Variants in MARK1 observed in about 807,000 individuals in gnomAD.
The protein encoded by MARK1 is serine/threonine-protein kinase MARK1.
In MARK1, 40 loss-of-function variants were observed where a neutral mutation model predicts 96.3. That is an observed-to-expected ratio of 0.42 (90% CI 0.32 to 0.54). MARK1 has a LOEUF of 0.54. MARK1 is among the 20% of genes least tolerant of loss of function. The pLI, the probability that MARK1 is intolerant of heterozygous loss-of-function variation, is 0.16. For missense variants in MARK1, 719 were observed against 984.6 expected (o/e 0.73, Z 3.61); for synonymous variants, 317 against 341.2 (o/e 0.93, Z 0.78).
chr1:220,556,512 T>C (rs948361091), intron 1 of MARK1, among the ~76,000 whole-genome samples: 7 of 114,536 alleles, frequency 6.1e-5, no homozygotes, highest in African/African-American at 3.4e-5. Context: ...AAAAACAAAT[T>C]ACAGATTTCA....
intron 17 of MARK1, among the ~76,000 whole-genome samples, chr1:220,660,650 A>G (rs189299611): frequency 6.6e-6 from 1 of 152,330 alleles, no homozygotes; most frequent in East Asian, 1.9e-4. Flanking sequence ...CTGTATCACG[A>G]ATAATCTATT....
intron 13 of MARK1, among the ~76,000 whole-genome samples, chr1:220,648,152 T>G (rs1002836571): frequency 6.6e-6 from 1 of 152,108 alleles, no homozygotes; most frequent in African/African-American, 2.4e-5. Flanking sequence ...AATGCTATAG[T>G]AAGTATAAAA....
chr1:220,592,176 G>A (rs1329162518), intron 3 of MARK1, among the ~76,000 whole-genome samples: 1 of 150,164 alleles, frequency 6.7e-6, no homozygotes, highest in Admixed American at 6.7e-5. Context: ...TCTAACCAAT[G>A]CAATAGGGAA....
intron 3 of MARK1, among the ~76,000 whole-genome samples, chr1:220,592,406 C>T (rs1037008784): frequency 1.6e-4 from 24 of 151,958 alleles, no homozygotes; most frequent in African/African-American, 5.8e-4. Context: ...TAGCTGACAG[C>T]CACCAAGAAG....
At chr1:220,565,527 A>C (rs1662986646) in intron 1 of MARK1, among the ~76,000 whole-genome samples, 1 of 151,286 alleles carries the variant, frequency 6.6e-6, no homozygotes. Flanking sequence ...GGCTGGCTAC[A>C]TGGCAAGCCC....
In MARK1 at chr1:220,618,753, G is replaced by C; in HGVS notation, c.907G>C (p.Glu303Gln). ...GAATCCAATAAAGAGAGGCAGCTTG[G>C]AAGTAAGTAAATTTTTGTACTCCAA... ...VLNPIKRGSL[E>Q]QIMKDRWMNV... Residue 303 changes from glutamate to glutamine, a missense_variant and splice_region_variant, in exon 9 of 18, where the codon GAA (glutamate) becomes CAA (glutamine). Coordinates refer to ENST00000366917, the MANE Select transcript of MARK1 (RefSeq NM_018650.5). The surrounding 1 kb of genome is among the most constrained non-coding windows in gnomAD (Gnocchi z 4.6). The C allele has an allele frequency of 2.5e-6, 4 of 1,572,992 alleles. No homozygotes were observed. The South Asian group carries it at 3.6e-5, about 14-fold the overall frequency.
intron 9 of MARK1, among the ~76,000 whole-genome samples, chr1:220,629,345 A>G (rs1667537016): frequency 6.6e-6 from 1 of 150,780 alleles, no homozygotes; most frequent in African/African-American, 2.5e-5. Flanking sequence ...ATTCTCTACA[A>G]GATTGCCTTT....
At chr1:220,529,308 C>T (rs1660149545) in intron 1 of MARK1, among the ~76,000 whole-genome samples, 1 of 152,200 alleles carries the variant, frequency 6.6e-6, no homozygotes, top group African/African-American at 2.4e-5. Context: ...CCTTTGCACT[C>T]TCCCCTCCTC....
chr1:220,659,090 T>A (rs1471334504), intron 17 of MARK1, among the ~76,000 whole-genome samples: 1 of 152,184 alleles, frequency 6.6e-6, no homozygotes, highest in Non-Finnish European at 1.5e-5. Flanking sequence ...ACTATATAAT[T>A]TTATTACATT....
At chr1:220,535,279 A>G (rs966990849) in intron 1 of MARK1, among the ~76,000 whole-genome samples, 1 of 151,956 alleles carries the variant, frequency 6.6e-6, no homozygotes, top group Admixed American at 6.6e-5. Flanking sequence ...TAACAGTTGT[A>G]AAGTAAATAT....
chr1:220,551,686 G>T (rs1033772380), intron 1 of MARK1, among the ~76,000 whole-genome samples: 3 of 152,076 alleles, frequency 2.0e-5, no homozygotes, highest in Non-Finnish European at 1.5e-5. Flanking sequence ...GGAGAAATGG[G>T]AAGGGGAATC....
intron 3 of MARK1, among the ~76,000 whole-genome samples, chr1:220,598,039 G>GT (rs1665491903): frequency 6.6e-6 from 1 of 152,046 alleles, no homozygotes; most frequent in African/African-American, 2.4e-5. Flanking sequence ...TTAAATAATT[G>GT]TAAGTTTTAC....
At chr1:220,558,676 A>G (rs1662459452) in intron 1 of MARK1, among the ~76,000 whole-genome samples, 4 of 152,072 alleles carry the variant, frequency 2.6e-5, no homozygotes, top group Admixed American at 2.6e-4. Flanking sequence ...ATATATAACA[A>G]CATGGTCCAA....
chr1:220,634,501 A>G (rs1306573206), intron 11 of MARK1, among the ~76,000 whole-genome samples: 1 of 152,228 alleles, frequency 6.6e-6, no homozygotes, highest in Non-Finnish European at 1.5e-5. Context: ...CTTATCTTTT[A>G]GAATCATTGA....
At chr1:220,628,187 G>A (rs1171219098) in intron 9 of MARK1, 1 of 152,070 alleles carries the variant, frequency 6.6e-6, no homozygotes, top group Non-Finnish European at 1.5e-5. Context: ...CCTTCAAAAA[G>A]GCTCTCTCCT....
At position 220,662,181 on chromosome 1, in the gene MARK1, A is replaced by G. The variant is rs1157483624; in HGVS notation, c.*15A>G. On this transcript the variant is annotated 3_prime_UTR_variant, in exon 18 of 18. Coordinates refer to ENST00000366917, the MANE Select transcript of MARK1 (RefSeq NM_018650.5). Reference sequence around the variant, plus strand: ...TTAAGCTGTAAAGAAGTCCAAATTTACAGGTTCAGGGAAGATACATACATA... The same window carrying G: ...TTAAGCTGTAAAGAAGTCCAAATTTGCAGGTTCAGGGAAGATACATACATA... The G allele has an allele frequency of 3.2e-6, 5 of 1,586,110 alleles. No homozygotes were observed. In the East Asian group the frequency reaches 9.0e-5, roughly 28 times the overall value.
At chr1:220,565,326 T>C (rs1662969004) in intron 1 of MARK1, among the ~76,000 whole-genome samples, 1 of 152,194 alleles carries the variant, frequency 6.6e-6, no homozygotes, top group Non-Finnish European at 1.5e-5. Context: ...TTTCAGATGG[T>C]GCCACAATAT....
At chr1:220,585,222 G>T (rs913979486) in intron 3 of MARK1, among the ~76,000 whole-genome samples, 4 of 152,120 alleles carry the variant, frequency 2.6e-5, no homozygotes, top group African/African-American at 9.7e-5. Context: ...GAAATTAGTG[G>T]TCAGCAAAAT....
At chr1:220,540,279 C>T (rs1290450506) in intron 1 of MARK1, among the ~76,000 whole-genome samples, 1 of 152,148 alleles carries the variant, frequency 6.6e-6, no homozygotes, top group African/African-American at 2.4e-5. Context: ...TGTCTGAAAG[C>T]CCAAGAACCA....
Sources: gnomAD v4.1 joint callset for allele counts (sites outside exome capture counted in the v4.1 genomes callset) on GRCh38, gnomAD v4.1.1 for gene constraint, Gnocchi (gnomAD v3.1) non-coding constraint, MANE v1.5 for transcripts, NCBI Gene and HGNC (gene_info 2026-07-23, HGNC 2026-07-21) for gene names.